EYA4: variants seen among roughly 807,000 people sequenced by gnomAD.
EYA4 encodes protein phosphatase EYA4.
A neutral mutation model predicts 87.9 loss-of-function variants in EYA4; 31 were observed. The observed-to-expected ratio is 0.35, with a 90% CI of 0.27 to 0.48. The LOEUF is 0.48. EYA4 is among the 20% of genes least tolerant of loss of function. EYA4 has a pLI of 0.99. For synonymous variants in EYA4, 263 were observed against 270.6 expected (o/e 0.97, Z 0.28); for missense variants, 678 against 761.4 (o/e 0.89, Z 1.29).
intron 2 of EYA4, among the ~76,000 whole-genome samples, chr6:133,359,902 C>A (rs371332065): frequency 3.3e-5 from 5 of 152,154 alleles, no homozygotes; most frequent in Non-Finnish European, 2.9e-5. Flanking sequence ...TCATGCTTCC[C>A]CTTCTTTACC....
chr6:133,433,202 T>C (rs1036585345), intron 3 of EYA4, among the ~76,000 whole-genome samples: 2 of 152,178 alleles, frequency 1.3e-5, no homozygotes, highest in African/African-American at 4.8e-5. Flanking sequence ...TAAATTTAAA[T>C]AATTAGGAGG....
rs73561733 is a variant in EYA4 at position 133,415,171 on chromosome 6, T to G, written c.84-31459T>G. Among the ~76,000 whole-genome samples the G allele has an allele frequency of 2.3e-3, 350 of 152,316 alleles. 2 individuals are homozygous for G. Among genetic ancestry groups the G allele is most frequent in the African/African-American group, 8.1e-3 (337 of 41,580 alleles). ...TTCTCACTTACCCACACTGCTGGTT[T>G]GGTAAATTCCAGAGCCTTATTGTAT... On this transcript the variant is annotated intron_variant, in intron 3 of 19. Coordinates refer to ENST00000355286, the MANE Select transcript of EYA4 (RefSeq NM_004100.5).
intron 11 of EYA4, among the ~76,000 whole-genome samples, chr6:133,478,246 G>A (rs1795910646): frequency 6.6e-6 from 1 of 152,082 alleles, no homozygotes; most frequent in Admixed American, 6.6e-5. Flanking sequence ...AAAAAAGTCA[G>A]TGTCTGTTAA....
At chr6:133,293,845 G>A (rs1778690822) in intron 2 of EYA4, among the ~76,000 whole-genome samples, 1 of 151,494 alleles carries the variant, frequency 6.6e-6, no homozygotes, top group Non-Finnish European at 1.5e-5. Context: ...GCTGAGGTTG[G>A]AGGATCACCT....
intron 2 of EYA4, among the ~76,000 whole-genome samples, chr6:133,354,728 A>G (rs2128432776): frequency 6.6e-6 from 1 of 152,340 alleles, no homozygotes; most frequent in African/African-American, 2.4e-5. Context: ...AGAATATTTT[A>G]TAGAGAAAGA....
chr6:133,385,056 T>C (rs897580660), intron 3 of EYA4, among the ~76,000 whole-genome samples: 1 of 151,948 alleles, frequency 6.6e-6, no homozygotes, highest in African/African-American at 2.4e-5. Context: ...TCCCAGCACT[T>C]TGGGAGGCCG....
At position 133,468,710 on chromosome 6, in the gene EYA4, C is replaced by T. The variant is rs1554263071; in HGVS notation, c.949C>T (p.Pro317Ser). The stretch of plus-strand genomic sequence containing the variant: ...TACTTATCAGTTGCAGGAATCTCTC[C>T]CAGGACTGACTAACCAACCAGGTAC... ...TSTYQLQESL[P>S]GLTNQPGEFD... Residue 317 changes from proline to serine, a missense_variant, in exon 11 of 20, where the codon CCA becomes TCA. Coordinates refer to ENST00000355286, the MANE Select transcript of EYA4 (RefSeq NM_004100.5). The T allele has an allele frequency of 1.9e-6, 3 of 1,612,932 alleles. No individual in the cohort carries two copies. Among genetic ancestry groups the T allele is most frequent in the African/African-American group, 2.7e-5 (2 of 74,852 alleles).
At position 133,531,120 on chromosome 6, in the gene EYA4, C is replaced by T; in HGVS notation, c.*2315C>T. ...CTAAGTCTGTGGGTGCAGAAAGAAA[C>T]ACCCCTTGGAAGGGCAAAGAGAAGC... On this transcript the variant is annotated 3_prime_UTR_variant, in exon 20 of 20. Coordinates refer to ENST00000355286, the MANE Select transcript of EYA4 (RefSeq NM_004100.5). 6.6e-7 allele frequency: 1 copy of T among 1,506,400 alleles called. No individual in the cohort carries two copies. Among genetic ancestry groups the T allele is most frequent in the Non-Finnish European group, 8.8e-7 (1 of 1,130,778 alleles). 93.3% of individuals were successfully genotyped at this position (1,506,400 alleles called of 1,614,324 possible).
At chr6:133,276,209 C>T (rs1777149561) in intron 2 of EYA4, among the ~76,000 whole-genome samples, 1 of 152,124 alleles carries the variant, frequency 6.6e-6, no homozygotes, top group African/African-American at 2.4e-5. Context: ...CCGAGGGTCA[C>T]ATACAAGTGT....
At chr6:133,402,848 G>A (rs896703797) in intron 3 of EYA4, among the ~76,000 whole-genome samples, 1 of 152,110 alleles carries the variant, frequency 6.6e-6, no homozygotes, top group Non-Finnish European at 1.5e-5. Context: ...GGTAACAGGG[G>A]ACAAGACCAG....
chr6:133,526,039 C>T (rs2128819377), intron 19 of EYA4: 2 of 365,408 alleles, frequency 5.5e-6, no homozygotes, highest in South Asian at 1.1e-4. Context: ...TTTCATCTGG[C>T]CCGTATTTCT....
At chr6:133,503,976 G>A (rs192997578) in intron 13 of EYA4, among the ~76,000 whole-genome samples, 1 of 152,174 alleles carries the variant, frequency 6.6e-6, no homozygotes, top group East Asian at 1.9e-4. Context: ...GGAGTACAGT[G>A]GCATGATCTT....
At chr6:133,486,518 C>T (rs75402922) in intron 13 of EYA4, among the ~76,000 whole-genome samples, 3,960 of 152,128 alleles carry the variant, frequency 0.026, 168 homozygotes, top group African/African-American at 0.09. Context: ...ATGCTTCTTG[C>T]TCTCATGGAG....
At chr6:133,274,182 A>G (rs761656451) in intron 1 of EYA4, among the ~76,000 whole-genome samples, 9 of 152,190 alleles carry the variant, frequency 5.9e-5, no homozygotes, top group Non-Finnish European at 8.8e-5. Context: ...TATTTGTAAT[A>G]CATTCTTTAA....
intron 2 of EYA4, among the ~76,000 whole-genome samples, chr6:133,288,854 C>T (rs1778269802): frequency 6.6e-6 from 1 of 152,034 alleles, no homozygotes. Context: ...TACTGTCTGA[C>T]GTTCCAAGAG....
At chr6:133,419,497 A>C (rs1790037711) in intron 3 of EYA4, among the ~76,000 whole-genome samples, 1 of 152,196 alleles carries the variant, frequency 6.6e-6, no homozygotes, top group South Asian at 2.1e-4. Flanking sequence ...AATGGATTCT[A>C]TCATATAAAA....
At chr6:133,362,651 G>A (rs545893704) in intron 2 of EYA4, among the ~76,000 whole-genome samples, 1 of 152,200 alleles carries the variant, frequency 6.6e-6, no homozygotes, top group African/African-American at 2.4e-5. Flanking sequence ...AAGTCTAGGG[G>A]TTCCCAGAAC....
chr6:133,253,210 G>T (rs1775064083), intron 1 of EYA4, among the ~76,000 whole-genome samples: 1 of 152,102 alleles, frequency 6.6e-6, no homozygotes, highest in African/African-American at 2.4e-5. Context: ...GTGTTGCGGA[G>T]AATTTGAGAC....
chr6:133,356,994 A>G (rs9483578), intron 2 of EYA4, among the ~76,000 whole-genome samples: 6,280 of 151,968 alleles, frequency 0.041, 416 homozygotes, highest in African/African-American at 0.14. Flanking sequence ...AGAAAAGGCC[A>G]GGCGCGGTGG....
Sources: gnomAD v4.1 joint callset for allele counts (sites outside exome capture counted in the v4.1 genomes callset) on GRCh38, gnomAD v4.1.1 for gene constraint, MANE v1.5 for transcripts, NCBI Gene and HGNC (gene_info 2026-07-23, HGNC 2026-07-21) for gene names.